The following SPC25 variants were observed in gnomAD, a reference collection of about 807,000 sequenced individuals.
The protein encoded by SPC25 is kinetochore protein Spc25.
SPC25 carries 22 observed loss-of-function variants against 29.6 expected under a neutral mutation model. That is an observed-to-expected ratio of 0.74 (90% CI 0.53 to 1.06). The LOEUF (loss-of-function observed/expected upper bound fraction) is 1.06. SPC25 is among the 50% of genes least tolerant of loss of function. The probability of loss-of-function intolerance (pLI) is 0.00; values close to 1 mark genes in which losing one functional copy is unlikely to be tolerated. For synonymous variants in SPC25, 91 were observed against 90.4 expected (o/e 1.01, Z -0.04); for missense variants, 230 against 255.8 (o/e 0.90, Z 0.69).
chr2:168,879,393 G>C (rs1690137800), intron 3 of SPC25, among the ~76,000 whole-genome samples: 1 of 152,174 alleles, frequency 6.6e-6, no homozygotes, highest in African/African-American at 2.4e-5. Context: ...ATCTTCACCA[G>C]GAGTGGATTC....
chr2:168,863,960 C>T (rs1338393274), intron 4 of SPC25, among the ~76,000 whole-genome samples: 2 of 151,658 alleles, frequency 1.3e-5, no homozygotes, highest in Non-Finnish European at 2.9e-5. Context: ...ACCCAGGCTG[C>T]AGTACAGTGG....
At chr2:168,863,798 A>G (rs984380438) in intron 4 of SPC25, 5 of 287,200 alleles carry the variant, frequency 1.7e-5, no homozygotes, top group African/African-American at 1.1e-4. Flanking sequence ...AAACACCAGC[A>G]TGTGAAACCC....
At chr2:168,879,478 C>T (rs1034058688) in intron 3 of SPC25, among the ~76,000 whole-genome samples, 1 of 152,216 alleles carries the variant, frequency 6.6e-6, no homozygotes, top group Admixed American at 6.5e-5. Context: ...TCTGAGATGG[C>T]AGCAATTCGG....
intron 4 of SPC25, chr2:168,861,961 C>T (rs1689481971): frequency 1.2e-6 from 2 of 1,614,022 alleles, no homozygotes; most frequent in Middle Eastern, 3.3e-4. Flanking sequence ...CTATTTCAGC[C>T]CCTGGTGCAG....
chr2:168,867,991 T>A (rs7370278), downstream of SPC25, among the ~76,000 whole-genome samples: 1 of 150,854 alleles, frequency 6.6e-6, no homozygotes, highest in African/African-American at 2.4e-5. Context: ...GAACAGAAAT[T>A]ATAACAAACT....
chr2:168,866,112 G>GA (rs1442978563), downstream of SPC25, among the ~76,000 whole-genome samples: 1 of 152,294 alleles, frequency 6.6e-6, no homozygotes, highest in Non-Finnish European at 1.5e-5. Flanking sequence ...CACAAAATTG[G>GA]AAAAAACTAC....
intron 6 of SPC25, 87 bp downstream of exon 6, chr2:168,873,498 C>A: frequency 1.1e-6 from 1 of 907,740 alleles, no homozygotes. Context: ...GGAGCTATTA[C>A]TTTCCTCCAT....
rs574404719 is a variant in SPC25 at position 168,871,648 on chromosome 2, G to A, written c.551-93C>T. 2.4e-5 allele frequency: 27 copies of A among 1,145,342 alleles called. No homozygotes were observed. The South Asian group carries it at 5.1e-4, about 22-fold the overall frequency. 70.9% of individuals were successfully genotyped at this position (1,145,342 alleles called of 1,614,324 possible). ...TAATCTAGATGCTCTCATCTGGTTT[G>A]AATGTCAATTCCATCTTAATGAAAT... On this transcript the variant is annotated intron_variant, in intron 6 of 6. Coordinates refer to ENST00000282074, the MANE Select transcript of SPC25 (RefSeq NM_020675.4).
intron 3 of SPC25, among the ~76,000 whole-genome samples, chr2:168,886,291 G>C (rs754285538): frequency 6.6e-6 from 1 of 151,900 alleles, no homozygotes; most frequent in Non-Finnish European, 1.5e-5. Flanking sequence ...CCTGGACTCA[G>C]GCAATCCTCC....
At chr2:168,868,281 C>T (rs1468791765), downstream of SPC25, among the ~76,000 whole-genome samples, 2 of 152,152 alleles carry the variant, frequency 1.3e-5, no homozygotes, top group African/African-American at 4.8e-5. Context: ...ACCCTAACAT[C>T]ACAATTCAAA....
chr2:168,863,580 T>C, intron 4 of SPC25: 2 of 985,176 alleles, frequency 2.0e-6, no homozygotes, highest in Non-Finnish European at 2.4e-6. Flanking sequence ...TAAAAAATAT[T>C]GTCTCCAAAT....
chr2:168,882,130 G>A (rs1301488197), intron 3 of SPC25, among the ~76,000 whole-genome samples: 3 of 152,160 alleles, frequency 2.0e-5, no homozygotes, highest in Non-Finnish European at 2.9e-5. Context: ...CCAAACAAAC[G>A]TTGGCAGTTA....
Position 168,876,102 on chromosome 2 carries a change from G to T in SPC25, c.421C>A (p.Arg141=). ...ATTTTTCGAATTTCTAGTCCAAGTC[G>T]ATCTTTATACAAGTCTGCAGATTTC... is the stretch of plus-strand genomic sequence containing the variant. The part of the protein sequence containing the change: ...LQKSADLYKD[R]LGLEIRKIYG... Residue 141 remains arginine, a synonymous_variant, in exon 5 of 7, where the codon CGA becomes AGA. Transcript: ENST00000282074. 1 of 1,551,986 alleles carries T rather than the reference G, an allele frequency of 6.4e-7. No individual in the cohort carries two copies. Among genetic ancestry groups the T allele is most frequent in the African/African-American group, 1.4e-5 (1 of 71,280 alleles).
chr2:168,870,234 G>A (rs540379043), downstream of SPC25, among the ~76,000 whole-genome samples: 28 of 151,818 alleles, frequency 1.8e-4, 1 homozygote, highest in East Asian at 5.2e-3. Context: ...TTACATGTTA[G>A]ACCTAAAACC....
intron 3 of SPC25, 117 bp downstream of exon 3, chr2:168,889,109 A>G: frequency 1.6e-6 from 1 of 630,082 alleles, no homozygotes; most frequent in Non-Finnish European, 2.6e-6. Context: ...ATATATACAC[A>G]CACACAACAT....
intron 4 of SPC25, among the ~76,000 whole-genome samples, chr2:168,862,445 A>ATGTC (rs1160118638): frequency 2.0e-5 from 3 of 152,204 alleles, no homozygotes; most frequent in African/African-American, 7.2e-5. Context: ...CTAGGGTAGA[A>ATGTC]TGTCAGTGAT....
At position 168,873,589 on chromosome 2, in the gene SPC25, A is replaced by G. The variant is rs983591109; in HGVS notation, c.546T>C (p.Tyr182=). 22 of 1,604,346 alleles carry G rather than the reference A, an allele frequency of 1.4e-5. No homozygotes were observed. The highest frequency in any genetic ancestry group is 2.7e-5 in the African/African-American group (2 of 74,662). ...FSLHLNEARD[Y]EVSDSAPHLE... is the part of the protein sequence containing the mutation. Reference sequence around the variant, plus strand: ...TTAGGAGATATTAGTACATACCTTCATAGTCCCTTGCTTCATTGAGATGTA... The same window carrying G: ...TTAGGAGATATTAGTACATACCTTCGTAGTCCCTTGCTTCATTGAGATGTA... Residue 182 remains tyrosine, a synonymous_variant, in exon 6 of 7, where the codon TAT becomes TAC. Transcript: ENST00000282074.
At chr2:168,870,683 C>A (rs569200343), downstream of SPC25, among the ~76,000 whole-genome samples, 1 of 149,646 alleles carries the variant, frequency 6.7e-6, no homozygotes. Context: ...GTTAGAATGG[C>A]AATCATTAAA....
intron 3 of SPC25, among the ~76,000 whole-genome samples, chr2:168,877,914 G>C (rs1257424846): frequency 6.6e-6 from 1 of 151,002 alleles, no homozygotes; most frequent in Non-Finnish European, 1.5e-5. Flanking sequence ...GCCCAGGCTA[G>C]TCTCAAACTC....
Sources: gnomAD v4.1 joint callset for allele counts (sites outside exome capture counted in the v4.1 genomes callset) on GRCh38, gnomAD v4.1.1 for gene constraint, MANE v1.5 for transcripts, NCBI Gene and HGNC (gene_info 2026-07-23, HGNC 2026-07-21) for gene names.